Variants in BCOR observed in about 807,000 individuals in gnomAD.
BCOR encodes BCL6 corepressor.
In BCOR, 10 loss-of-function variants were observed where a neutral mutation model predicts 86.7. The observed-to-expected ratio is 0.12, with a 90% CI of 0.07 to 0.20. BCOR has a LOEUF of 0.20. BCOR is among the 10% of genes least tolerant of loss of function. The pLI, the probability that BCOR is intolerant of heterozygous loss-of-function variation, is 1.00. For synonymous variants in BCOR, 611 were observed against 609.0 expected (o/e 1.00, Z -0.05); for missense variants, 1,259 against 1,452.1 (o/e 0.87, Z 2.16).
At chrX:40,082,559 T>G (rs1936154662) in intron 1 of BCOR, among the ~76,000 whole-genome samples, 2 of 110,818 alleles carry the variant, frequency 1.8e-5, no homozygotes, top group South Asian at 7.8e-4. Context: ...CCAGCCAGTG[T>G]GCTGGGGTCC....
chrX:40,064,494 G>A lies in BCOR; in HGVS notation c.3344C>T (p.Pro1115Leu). Reference protein sequence around the residue: ...YFVERQPVSEPPADQVASDMP... With the variant: ...YFVERQPVSELPADQVASDMP... ...GTCCGAGGCCACCTGGTCTGCGGGA[G>A]GCTCGCTCACAGGCTGCCTCTCCAC... The change falls in exon 7 of 15, where the codon CCT (proline) becomes CTT (leucine). Residue 1115 changes from proline to leucine, a missense_variant. Coordinates refer to ENST00000378444, the MANE Select transcript of BCOR (RefSeq NM_001123385.2). The A allele has an allele frequency of 8.2e-7, 1 of 1,212,401 alleles. No individual in the cohort carries two copies. The highest frequency in any genetic ancestry group is 1.7e-5 in the African/African-American group (1 of 57,978).
At chrX:40,148,004 T>C (rs1392679491) in intron 1 of BCOR, among the ~76,000 whole-genome samples, 1 of 112,076 alleles carries the variant, frequency 8.9e-6, no homozygotes, top group African/African-American at 3.2e-5. Flanking sequence ...CGGACTGTTC[T>C]CAGGGCGTCT....
At chrX:40,130,427 G>A (rs928557815) in intron 1 of BCOR, among the ~76,000 whole-genome samples, 1 of 112,227 alleles carries the variant, frequency 8.9e-6, no homozygotes, top group Non-Finnish European at 1.9e-5. Flanking sequence ...ACTCCTTCAG[G>A]CCCATGGTGT....
At chrX:40,076,359 C>T (rs1320733002) in intron 3 of BCOR, 95 bp downstream of exon 3, 3 of 722,380 alleles carry the variant, frequency 4.2e-6, no homozygotes, top group East Asian at 3.6e-5. Flanking sequence ...ACCCCTCCCC[C>T]ATTCCCCACC....
chrX:40,120,713 A>G (rs1937471987), intron 1 of BCOR, among the ~76,000 whole-genome samples: 1 of 112,017 alleles, frequency 8.9e-6, no homozygotes, highest in Non-Finnish European at 1.9e-5. Context: ...AACAAAACAA[A>G]TACCTGTCCT....
chrX:40,128,375 G>A (rs994522454), intron 1 of BCOR, among the ~76,000 whole-genome samples: 2 of 111,644 alleles, frequency 1.8e-5, no homozygotes, highest in East Asian at 2.8e-4. Context: ...GCAAAACCCC[G>A]TCTCTACAAA....
chrX:40,092,318 C>T (rs1264502098), intron 1 of BCOR, among the ~76,000 whole-genome samples: 1 of 111,869 alleles, frequency 8.9e-6, no homozygotes, highest in African/African-American at 3.3e-5. Context: ...GAATTCCCGG[C>T]TGGGCTTAGA....
At chrX:40,171,005 G>A (rs1215811412) in intron 1 of BCOR, among the ~76,000 whole-genome samples, 1 of 111,757 alleles carries the variant, frequency 8.9e-6, no homozygotes, top group African/African-American at 3.3e-5. Context: ...GGGGGACAGA[G>A]TAGGTGTTAC....
chrX:40,172,025 C>T (rs1339696076), intron 1 of BCOR, among the ~76,000 whole-genome samples: 1 of 112,810 alleles, frequency 8.9e-6, no homozygotes, highest in Non-Finnish European at 1.9e-5. Flanking sequence ...CTGGGGTTGG[C>T]GAGGGCAGCT....
At chrX:40,136,967 G>T (rs1937692810) in intron 1 of BCOR, among the ~76,000 whole-genome samples, 1 of 112,006 alleles carries the variant, frequency 8.9e-6, no homozygotes, top group African/African-American at 3.2e-5. Flanking sequence ...AGGTGGCTTT[G>T]CCAGTGCCAT....
At chrX:40,113,406 C>CAA (rs60280150) in intron 1 of BCOR, among the ~76,000 whole-genome samples, 11 of 79,882 alleles carry the variant, frequency 1.4e-4, no homozygotes, top group African/African-American at 4.5e-4. Context: ...GACCATGTCT[C>CAA]AAAAAAAAAA....
intron 6 of BCOR, among the ~76,000 whole-genome samples, chrX:40,065,775 G>A (rs1290172438): frequency 9.0e-6 from 1 of 111,429 alleles, no homozygotes; most frequent in East Asian, 2.8e-4. Context: ...TGGTGTCTTG[G>A]TAACTCTGAG....
rs778509180 is a variant in BCOR at position 40,077,852 on chromosome X, G to C, written c.78C>G (p.Ser26Arg). 2.8e-5 allele frequency: 34 copies of C among 1,209,719 alleles called. No homozygotes were observed. In the South Asian group the frequency reaches 5.3e-4, roughly 19 times the overall value. The change falls in exon 2 of 15, where the codon AGC (serine) becomes AGG (arginine). Residue 26 changes from serine to arginine, a missense_variant. Around this residue, in one of 7 missense-constraint regions of BCOR, gnomAD observed 174 missense variants for 189.3 expected, o/e 0.92. Coordinates refer to ENST00000378444, the MANE Select transcript of BCOR (RefSeq NM_001123385.2). ...CAGATGGGCGCATTCACCTGTCTTC[G>C]CTCGCCCCACACATGCGGACCCTCT... The part of the protein sequence containing the change: ...NSERVRMCGA[S>R]EDRKILVNDG...
chrX:40,072,635 G>A lies in BCOR; in HGVS notation c.2711C>T (p.Pro904Leu), dbSNP rs1602147592. ...TACAGCAGGGCCATCGCTCCCCAGA[G>A]GTGGCTCCAGGAATGGAGTCGAGAC... ...LPVSTPFLEP[P>L]LGSDGPAVTF... is the part of the protein sequence containing the mutation. Residue 904 changes from proline to leucine, a missense_variant, in exon 4 of 15, where the codon CCT becomes CTT. By Grantham distance (98) the Pro-to-Leu change is moderately conservative. Transcript: ENST00000378444. The A allele has an allele frequency of 3.3e-6, 4 of 1,212,136 alleles. No homozygotes were observed. In the East Asian group the frequency reaches 8.9e-5, roughly 27 times the overall value.
At chrX:40,121,498 A>C (rs1001008517) in intron 1 of BCOR, among the ~76,000 whole-genome samples, 4 of 112,816 alleles carry the variant, frequency 3.5e-5, no homozygotes, top group Non-Finnish European at 5.6e-5. Flanking sequence ...GTTCATTGCA[A>C]ATTTGGCAGT....
At chrX:40,063,144 A>G in intron 8 of BCOR, 73 bp from the exon 9 acceptor site, 1 of 806,745 alleles carries the variant, frequency 1.2e-6, no homozygotes. Flanking sequence ...ACACAGTTGT[A>G]GCCAGTGCAG....
intron 1 of BCOR, among the ~76,000 whole-genome samples, chrX:40,091,589 C>A (rs1396990467): frequency 8.9e-6 from 1 of 112,979 alleles, no homozygotes; most frequent in Non-Finnish European, 1.9e-5. Flanking sequence ...TGAACTCCAC[C>A]CAACAAAAAG....
chrX:40,080,271 G>A (rs199563307), intron 1 of BCOR, among the ~76,000 whole-genome samples: 3 of 108,398 alleles, frequency 2.8e-5, no homozygotes, highest in Non-Finnish European at 3.8e-5. Flanking sequence ...GAGAAACCCC[G>A]TCTCTACTAA....
At chrX:40,107,367 G>A (rs1159960832) in intron 1 of BCOR, among the ~76,000 whole-genome samples, 1 of 111,806 alleles carries the variant, frequency 8.9e-6, no homozygotes, top group African/African-American at 3.3e-5. Flanking sequence ...CGGTCCAGGA[G>A]ACGCCAAACG....
Sources: gnomAD v4.1 joint callset for allele counts (sites outside exome capture counted in the v4.1 genomes callset) on GRCh38, gnomAD v4.1.1 for gene constraint, gnomAD v4.1.1 regional missense constraint, MANE v1.5 for transcripts, NCBI Gene and HGNC (gene_info 2026-07-23, HGNC 2026-07-21) for gene names.